Variants in VPS16 observed in about 807,000 individuals in gnomAD.
The protein encoded by VPS16 is VPS16 core subunit of CORVET and HOPS complexes.
In VPS16, 82 loss-of-function variants were observed where a neutral mutation model predicts 116.0. The ratio of observed to expected loss-of-function variants is 0.71; its 90% confidence interval spans 0.59 to 0.85. The LOEUF (loss-of-function observed/expected upper bound fraction) is 0.85. VPS16 is among the 40% of genes least tolerant of loss of function. The pLI is 0.00. For missense variants in VPS16, 928 were observed against 1,090.6 expected, an observed-to-expected ratio of 0.85 and a Z score of 2.10; for synonymous variants, 406 against 420.7, an observed-to-expected ratio of 0.96 and a Z score of 0.43.
chr20:2,846,115 T>C (rs879473436), intron 1 of VPS16, among the ~76,000 whole-genome samples: 3,316 of 140,540 alleles, frequency 0.024, 101 homozygotes, highest in African/African-American at 0.072. Context: ...TACTCCGCTT[T>C]TTTTTTTTTT....
At position 2,860,332 on chromosome 20, in the gene VPS16, C is replaced by T; in HGVS notation, c.334C>T (p.His112Tyr). ...TGGTGCTGTACTGGTTTATGGGCTT[C>T]ATGGTGACTTCCGGAGACACTTCAG... ...EDGAVLVYGL[H>Y]GDFRRHFSMG... Residue 112 changes from histidine to tyrosine, a missense_variant, in exon 4 of 24, where the codon CAT becomes TAT. Transcript: ENST00000380445. The surrounding 1 kb of genome is among the most constrained non-coding windows in gnomAD (Gnocchi z 6.1). 6.2e-7 allele frequency: 1 copy of T among 1,614,130 alleles called. No homozygotes were observed. The highest frequency in any genetic ancestry group is 8.5e-7 in the Non-Finnish European group (1 of 1,180,022).
rs1278312139 is a variant in VPS16, at chr20:2,865,538, G to A, written c.2271+43G>A. ...CTCCAGCCCACTTCCAGTGAGGGTA[G>A]TCTTCGGGAGAGAGGGCTAGGCAGG... On this transcript the variant is annotated intron_variant, in intron 22 of 23. Transcript: ENST00000380445. This position sits in a 1 kb window ranked among gnomAD's most constrained non-coding sequence, Gnocchi z 5.2. The A allele has an allele frequency of 1.9e-6, 3 of 1,575,514 alleles. No individual in the cohort carries two copies. The African/African-American group carries it at 4.0e-5, about 21-fold the overall frequency.
chr20:2,848,889 C>G (rs906495379), intron 1 of VPS16, among the ~76,000 whole-genome samples: 1 of 152,138 alleles, frequency 6.6e-6, no homozygotes, highest in South Asian at 2.1e-4. Flanking sequence ...ATGGAAGAGA[C>G]CTAATATAAT....
At position 2,864,462 on chromosome 20, in the gene VPS16, G is replaced by GGT; in HGVS notation, c.1818+7_1818+8dup. The GGT allele has an allele frequency of 6.2e-7, 1 of 1,614,186 alleles. No homozygotes were observed. The highest frequency in any genetic ancestry group is 2.2e-5 in the East Asian group (1 of 44,880). On this transcript the variant is annotated frameshift_variant and splice_region_variant. Transcript: ENST00000380445. LOFTEE classifies it high-confidence loss of function. This position sits in a 1 kb window ranked among gnomAD's most constrained non-coding sequence, Gnocchi z 5.2. ...CCATGGCCCTCAGTTTGTACCGACA[G>GGT]GTGTGTGTAGTGGGCAGGGTTGTGG...
chr20:2,846,526 C>T (rs2089061712), intron 1 of VPS16, among the ~76,000 whole-genome samples: 1 of 152,216 alleles, frequency 6.6e-6, no homozygotes, highest in South Asian at 2.1e-4. Context: ...TACCATTTTA[C>T]ATTCCCAGCA....
chr20:2,852,649 G>T (rs957401881), intron 1 of VPS16, among the ~76,000 whole-genome samples: 1 of 152,158 alleles, frequency 6.6e-6, no homozygotes, highest in Non-Finnish European at 1.5e-5. Flanking sequence ...CCATATAAAA[G>T]TTTTATGTTT....
Position 2,861,071 on chromosome 20 carries a change from G to A in VPS16, c.732G>A (p.Trp244Ter). The A allele has an allele frequency of 6.2e-7, 1 of 1,614,196 alleles. No individual in the cohort carries two copies. Among genetic ancestry groups the A allele is most frequent in the African/African-American group, 1.3e-5 (1 of 75,040 alleles). Reference sequence around the variant, plus strand: ...TCTTCACAGACACAGGCTACATCTGGATGGGGACAGCATCACTCAAGGTAT... The same window carrying A: ...TCTTCACAGACACAGGCTACATCTGAATGGGGACAGCATCACTCAAGGTAT... Reference protein sequence around the residue: ...LALFTDTGYIWMGTASLKEKL... With the variant: ...LALFTDTGYI The change falls in exon 7 of 24, where the codon TGG becomes TGA. Residue 244 changes from tryptophan (W) to a stop codon, truncating the protein, a stop_gained. Coordinates refer to ENST00000380445, the MANE Select transcript of VPS16 (RefSeq NM_022575.4). LOFTEE classifies it high-confidence loss of function.
chr20:2,860,995 T>G lies in VPS16; in HGVS notation c.656T>G (p.Val219Gly), dbSNP rs751185723. 2 of 1,614,094 alleles carry G rather than the reference T, an allele frequency of 1.2e-6. No homozygotes were observed. The highest frequency in any genetic ancestry group is 8.5e-7 in the Non-Finnish European group (1 of 1,180,030). Reference protein sequence around the residue: ...AVTPPGLAPGVSSFLQMAVSF... With the variant: ...AVTPPGLAPGGSSFLQMAVSF... ...ACGCCCCCTGGCCTGGCCCCAGGAG[T>G]AAGCAGCTTCCTACAGATGGCTGTC... The change falls in exon 7 of 24, where the codon GTA (valine) becomes GGA (glycine). Residue 219 changes from valine (V) to glycine (G), a missense_variant. Physicochemically the swap from Val to Gly is moderately radical, Grantham distance 109. Coordinates refer to ENST00000380445, the MANE Select transcript of VPS16 (RefSeq NM_022575.4). This position sits in a 1 kb window ranked among gnomAD's most constrained non-coding sequence, Gnocchi z 6.1.
Position 2,860,870 on chromosome 20 carries a change from G to A in VPS16, c.630+7G>A. On this transcript the variant is annotated splice_region_variant and intron_variant, in intron 6 of 23. Coordinates refer to ENST00000380445, the MANE Select transcript of VPS16 (RefSeq NM_022575.4). The surrounding 1 kb of genome is among the most constrained non-coding windows in gnomAD (Gnocchi z 6.1). ...TGCAGCCTGCTCCGCAGTGGTAAGG[G>A]CCCTGAGTGGGAATGAAGTGGACGG... 6.2e-7 allele frequency: 1 copy of A among 1,614,136 alleles called. No homozygotes were observed. The highest frequency in any genetic ancestry group is 8.5e-7 in the Non-Finnish European group (1 of 1,180,044).
chr20:2,853,872 C>T (rs1405322805), intron 1 of VPS16, among the ~76,000 whole-genome samples: 5 of 151,842 alleles, frequency 3.3e-5, no homozygotes, highest in South Asian at 2.1e-4. Flanking sequence ...AGGGTTTCAC[C>T]GTGTTGGCCA....
chr20:2,848,343 A>G (rs2089082619), intron 1 of VPS16, among the ~76,000 whole-genome samples: 2 of 152,174 alleles, frequency 1.3e-5, no homozygotes, highest in African/African-American at 4.8e-5. Context: ...TCTTGGGCTC[A>G]GGTGATCCAC....
At chr20:2,847,361 A>G (rs1161843139) in intron 1 of VPS16, among the ~76,000 whole-genome samples, 2 of 151,998 alleles carry the variant, frequency 1.3e-5, no homozygotes, top group African/African-American at 2.4e-5. Flanking sequence ...TCATGGTTCT[A>G]TGACCTCTAC....
At chr20:2,851,241 A>C (rs2089117615) in intron 1 of VPS16, among the ~76,000 whole-genome samples, 1 of 152,220 alleles carries the variant, frequency 6.6e-6, no homozygotes, top group Non-Finnish European at 1.5e-5. Flanking sequence ...TGCAACTCTC[A>C]GCCTGGGGTG....
intron 1 of VPS16, 45 bp from the exon 2 acceptor site, chr20:2,859,674 A>T: frequency 6.3e-7 from 1 of 1,598,318 alleles, no homozygotes; most frequent in Middle Eastern, 1.7e-4. Flanking sequence ...CTCCATACGG[A>T]TGCAGGGTAA....
chr20:2,863,472 G>A lies in VPS16; in HGVS notation c.1476+74G>A, dbSNP rs1394640756. The A allele has an allele frequency of 2.0e-6, 3 of 1,479,840 alleles. No individual in the cohort carries two copies. Among genetic ancestry groups the A allele is most frequent in the Non-Finnish European group, 1.9e-6 (2 of 1,064,168 alleles). 91.7% of individuals were successfully genotyped at this position (1,479,840 alleles called of 1,614,324 possible). A position where few individuals can be genotyped will look rare whatever the true frequency, so the allele number is the denominator to read the frequency against. On this transcript the variant is annotated intron_variant, in intron 15 of 23. Coordinates refer to ENST00000380445, the MANE Select transcript of VPS16 (RefSeq NM_022575.4). The surrounding 1 kb of genome is among the most constrained non-coding windows in gnomAD (Gnocchi z 4.4). ...TGGTGAGGTGGAGGAAATAGAAAGT[G>A]TAGAACTGCGCTGGGCACGGTGGCT...
intron 1 of VPS16, among the ~76,000 whole-genome samples, chr20:2,851,553 T>A (rs188771773): frequency 3.3e-5 from 5 of 151,818 alleles, no homozygotes; most frequent in Non-Finnish European, 7.4e-5. Context: ...TCCCAGCTAC[T>A]TGGGAGGCTG....
chr20:2,861,429 A>G, intron 8 of VPS16, 149 bp downstream of exon 8: 1 of 1,424,526 alleles, frequency 7.0e-7, no homozygotes, highest in Non-Finnish European at 9.7e-7. Flanking sequence ...GAAGGAAACC[A>G]TTGTCCTCTG....
intron 1 of VPS16, among the ~76,000 whole-genome samples, chr20:2,850,192 A>G (rs4815549): frequency 0.65 from 99,239 of 152,062 alleles, 34,380 homozygotes; most frequent in African/African-American, 0.87. Context: ...GCGTGGTGGC[A>G]GGCGCCTGTA....
At chr20:2,861,938 G>T in intron 10 of VPS16, 39 bp downstream of exon 10, 1 of 1,608,474 alleles carries the variant, frequency 6.2e-7, no homozygotes. Context: ...CCCAAGGTGG[G>T]GACTCCTCGG....
Sources: gnomAD v4.1 joint callset for allele counts (sites outside exome capture counted in the v4.1 genomes callset) on GRCh38, gnomAD v4.1.1 for gene constraint, Gnocchi (gnomAD v3.1) non-coding constraint, MANE v1.5 for transcripts, NCBI Gene and HGNC (gene_info 2026-07-23, HGNC 2026-07-21) for gene names.